The following ATP11A variants were observed in gnomAD, a reference collection of about 807,000 sequenced individuals.
ATP11A encodes the protein ATPase phospholipid transporting 11A.
ATP11A carries 81 observed loss-of-function variants against 154.4 expected under a neutral mutation model. That is an observed-to-expected ratio of 0.52 (90% CI 0.44 to 0.63). The LOEUF (loss-of-function observed/expected upper bound fraction) is 0.63. Ranked by LOEUF, ATP11A falls within the 30% of genes least tolerant of loss-of-function variation. The pLI, the probability that ATP11A is intolerant of heterozygous loss-of-function variation, is 0.00. For synonymous variants in ATP11A, 623 were observed against 585.9 expected, an observed-to-expected ratio of 1.06 and a Z score of -0.91; for missense variants, 1,316 against 1,474.3, an observed-to-expected ratio of 0.89 and a Z score of 1.76.
chr13:112,745,316 G>A (rs939809479), intron 1 of ATP11A: 5 of 152,210 alleles, frequency 3.3e-5, no homozygotes, highest in African/African-American at 1.2e-4. Flanking sequence ...TCACCCACCT[G>A]GGCCTCCCAA....
intron 1 of ATP11A, chr13:112,747,549 C>T (rs1892308816): frequency 6.6e-6 from 1 of 152,212 alleles, no homozygotes. Flanking sequence ...CAAAAAGTAA[C>T]ACAGGGCCTG....
chr13:112,795,072 C>T (rs1044044628), intron 2 of ATP11A, among the ~76,000 whole-genome samples: 3 of 151,766 alleles, frequency 2.0e-5, no homozygotes, highest in Non-Finnish European at 2.9e-5. Flanking sequence ...GGTGAAATCC[C>T]GTCTCTATTA....
In ATP11A at chr13:112,819,474, A is replaced by G. The variant is rs1211809199; in HGVS notation, c.674+67A>G. Reference sequence around the variant, plus strand: ...CCCTCAACATTGCTCTTGCTTTTTCACCCCAAGTAGTCCAGCCATGTGGTG... The same window carrying G: ...CCCTCAACATTGCTCTTGCTTTTTCGCCCCAAGTAGTCCAGCCATGTGGTG... On this transcript the variant is annotated intron_variant, in intron 7 of 29. Transcript: ENST00000375645. 17 of 1,372,934 alleles carry G rather than the reference A, an allele frequency of 1.2e-5. No individual in the cohort carries two copies. The East Asian group carries it at 2.1e-4, about 17-fold the overall frequency. The allele number at this position is 1,372,934 out of a possible 1,614,324, so 85.0% of individuals were successfully genotyped here. A position where few individuals can be genotyped will look rare whatever the true frequency, so the allele number is the denominator to read the frequency against.
chr13:112,791,651 G>A (rs2077861052), intron 2 of ATP11A, among the ~76,000 whole-genome samples: 2 of 152,222 alleles, frequency 1.3e-5, no homozygotes, highest in South Asian at 4.2e-4. Flanking sequence ...CCTACTGTCC[G>A]TTTCGAACGT....
chr13:112,690,297 G>A lies in ATP11A; in HGVS notation c.-120G>A, dbSNP rs1264992733. The stretch of plus-strand genomic sequence containing the variant: ...GCCGCGGCCGCCCCCTGCACCGCCC[G>A]GCGCGCCGAGGCCGTGACCGGAGCG... On this transcript the variant is annotated 5_prime_UTR_variant, in exon 1 of 30. Coordinates refer to ENST00000375645, the MANE Select transcript of ATP11A (RefSeq NM_015205.3). This position sits in a 1 kb window ranked among gnomAD's most constrained non-coding sequence, Gnocchi z 5.6. 5.7e-6 allele frequency: 4 copies of A among 702,244 alleles called. No individual in the cohort carries two copies. In the East Asian group the frequency reaches 2.8e-4, roughly 48 times the overall value. 43.5% of individuals were successfully genotyped at this position (702,244 alleles called of 1,614,324 possible). A position where few individuals can be genotyped will look rare whatever the true frequency, so the allele number is the denominator to read the frequency against.
chr13:112,713,384 G>A (rs1887986575), intron 1 of ATP11A, among the ~76,000 whole-genome samples: 1 of 152,134 alleles, frequency 6.6e-6, no homozygotes, highest in Non-Finnish European at 1.5e-5. Context: ...GACAGAGCAA[G>A]ACTCCGTCTC....
chr13:112,794,954 C>T (rs2077960506), intron 2 of ATP11A, among the ~76,000 whole-genome samples: 1 of 152,064 alleles, frequency 6.6e-6, no homozygotes, highest in Non-Finnish European at 1.5e-5. Context: ...TCAAATATGG[C>T]AAGGCCCTGC....
At chr13:112,874,576 A>G (rs970519673) in intron 27 of ATP11A, among the ~76,000 whole-genome samples, 7 of 152,178 alleles carry the variant, frequency 4.6e-5, no homozygotes, top group Admixed American at 6.5e-5. Flanking sequence ...ACCTGGGGTC[A>G]GTAGCCGGCC....
intron 2 of ATP11A, 30 bp from the exon 3 acceptor site, chr13:112,804,927 A>G (rs2078280862): frequency 4.2e-6 from 6 of 1,425,962 alleles, no homozygotes; most frequent in South Asian, 2.4e-5. Context: ...TCTGATCTCA[A>G]TGATGGATGT....
Position 112,825,433 on chromosome 13 carries a change from G to C in ATP11A, c.876G>C (p.Ser292=). 1 of 1,608,986 alleles carries C rather than the reference G, an allele frequency of 6.2e-7. No individual in the cohort carries two copies. The highest frequency in any genetic ancestry group is 8.5e-7 in the Non-Finnish European group (1 of 1,177,526). Residue 292 remains serine, a synonymous_variant, in exon 11 of 30, where the codon TCG becomes TCC. Transcript: ENST00000375645. ...CACCTCTGTCCTTTTGTTTTAGATCGATGAATGCGTTCCTCATTGTGTATC... is the reference window on the plus strand; with the variant it reads ...CACCTCTGTCCTTTTGTTTTAGATCCATGAATGCGTTCCTCATTGTGTATC... ...KSQKRSAVEK[S]MNAFLIVYLC...
chr13:112,805,696 G>A (rs9635141), intron 3 of ATP11A, among the ~76,000 whole-genome samples: 160 of 141,282 alleles, frequency 1.1e-3, no homozygotes, highest in African/African-American at 1.6e-3. Flanking sequence ...AAAAGAGAAA[G>A]AAAAAGAAAG....
chr13:112,831,588 G>A (rs1263276765), intron 13 of ATP11A, 40 bp downstream of exon 13: 5 of 1,598,406 alleles, frequency 3.1e-6, no homozygotes, highest in Admixed American at 3.4e-5. Context: ...GTGTGAGTGA[G>A]TGGGCGGCTG....
rs973306457 is a variant in ATP11A at position 112,823,490 on chromosome 13, C to G, written c.790+81C>G. ...AAAAGTTAAAACCCGCAGCGGAACC[C>G]GAGAGCGTTTCTTGGCACCTTGAGG... On this transcript the variant is annotated intron_variant, in intron 9 of 29. Coordinates refer to ENST00000375645, the MANE Select transcript of ATP11A (RefSeq NM_015205.3). 5.9e-6 allele frequency: 7 copies of G among 1,195,932 alleles called. No individual in the cohort carries two copies. The Admixed American group carries it at 6.4e-5, about 11-fold the overall frequency. The allele number at this position is 1,195,932 out of a possible 1,614,324, so 74.1% of individuals were successfully genotyped here.
intron 29 of ATP11A, chr13:112,880,589 G>T: frequency 7.7e-7 from 1 of 1,300,878 alleles, no homozygotes. Context: ...GCACAGAGCA[G>T]CGATGGGCCC....
chr13:112,822,487 C>G (rs2078824132), intron 8 of ATP11A, among the ~76,000 whole-genome samples: 1 of 152,114 alleles, frequency 6.6e-6, no homozygotes, highest in South Asian at 2.1e-4. Context: ...AGGAGCTTTG[C>G]AGTGTGGCTA....
chr13:112,723,128 A>C (rs1418675054), intron 1 of ATP11A, among the ~76,000 whole-genome samples: 1 of 151,930 alleles, frequency 6.6e-6, no homozygotes, highest in Non-Finnish European at 1.5e-5. Context: ...CCTCATCTGT[A>C]ATGGCACTGG....
intron 25 of ATP11A, among the ~76,000 whole-genome samples, chr13:112,867,215 G>A (rs904366764): frequency 6.6e-6 from 1 of 152,280 alleles, no homozygotes; most frequent in Non-Finnish European, 1.5e-5. Context: ...CCTATCAGCT[G>A]GACGTTCAGA....
chr13:112,713,852 TA>T (rs1236276400), intron 1 of ATP11A, among the ~76,000 whole-genome samples: 2 of 149,962 alleles, frequency 1.3e-5, no homozygotes, highest in Non-Finnish European at 3.0e-5. Flanking sequence ...GGATGGGGAG[TA>T]GCAGTTCAGA....
chr13:112,715,393 C>T (rs74661546), intron 1 of ATP11A, among the ~76,000 whole-genome samples: 1 of 47,336 alleles, frequency 2.1e-5, no homozygotes, highest in African/African-American at 5.9e-5. Flanking sequence ...GGCCGATCCC[C>T]CCACACCTGG....
Sources: allele counts gnomAD v4.1 joint callset (sites outside exome capture counted in the v4.1 genomes callset), GRCh38; gene constraint gnomAD v4.1.1; non-coding constraint Gnocchi (gnomAD v3.1); transcripts MANE v1.5; gene names NCBI Gene and HGNC (gene_info 2026-07-23, HGNC 2026-07-21).